SHROOM2: variants seen among roughly 807,000 people sequenced by gnomAD.
SHROOM2 encodes the protein protein Shroom2.
In SHROOM2, 33 loss-of-function variants were observed where a neutral mutation model predicts 75.9. The ratio of observed to expected loss-of-function variants is 0.43; its 90% CI spans 0.33 to 0.58. SHROOM2 has a LOEUF of 0.58. Among genes scored for constraint, SHROOM2 ranks in the 20% least tolerant of loss-of-function variants. The pLI, the probability that SHROOM2 is intolerant of heterozygous loss-of-function variation, is 0.04. For synonymous variants in SHROOM2, 655 were observed against 663.6 expected, an observed-to-expected ratio of 0.99 and a Z score of 0.20; for missense variants, 1,434 against 1,461.2, an observed-to-expected ratio of 0.98 and a Z score of 0.30.
chrX:9,894,955 T>G lies in SHROOM2; in HGVS notation c.1047T>G (p.Phe349Leu). The G allele has an allele frequency of 8.3e-7, 1 of 1,210,621 alleles. No individual in the cohort carries two copies. The change falls in exon 4 of 10, where the codon TTT becomes TTG. Residue 349 changes from phenylalanine to leucine, a missense_variant. This residue lies in a region of SHROOM2 where 1,340 missense variants were observed against 1,338.3 expected (regional missense o/e 1.00). Coordinates refer to ENST00000380913, the MANE Select transcript of SHROOM2 (RefSeq NM_001649.4). ...CAGAGGCGGCTGCGGCACAGCACTT[T>G]ACGGCCCTGGCCCAGGCTCAGCCTC... ...VFSEAAAAQH[F>L]TALAQAQPRG...
At chrX:9,810,796 C>T (rs983928909) in intron 1 of SHROOM2, among the ~76,000 whole-genome samples, 1 of 110,435 alleles carries the variant, frequency 9.1e-6, no homozygotes, top group Admixed American at 9.7e-5. Context: ...GAACTTTGCC[C>T]CAGCCCTGCA....
intron 2 of SHROOM2, among the ~76,000 whole-genome samples, chrX:9,879,552 C>T (rs1445248821): frequency 8.9e-6 from 1 of 112,747 alleles, no homozygotes; most frequent in East Asian, 2.8e-4. Context: ...TGAGCCACTG[C>T]ACCCGGCCAG....
intron 1 of SHROOM2, among the ~76,000 whole-genome samples, chrX:9,797,681 C>T (rs1474582443): frequency 1.8e-5 from 2 of 112,014 alleles, no homozygotes; most frequent in Non-Finnish European, 3.8e-5. Context: ...TCACCCCCAC[C>T]CCCCACTTGC....
At chrX:9,915,904 AT>A (rs2084486549) in intron 5 of SHROOM2, among the ~76,000 whole-genome samples, 2 of 111,435 alleles carry the variant, frequency 1.8e-5, no homozygotes, top group Non-Finnish European at 3.8e-5. Context: ...GAAGATTGAG[AT>A]TTTCTCTTAA....
intron 1 of SHROOM2, among the ~76,000 whole-genome samples, chrX:9,871,987 T>G (rs1357293703): frequency 8.9e-6 from 1 of 112,545 alleles, no homozygotes; most frequent in African/African-American, 3.2e-5. Context: ...CCTAGCAGTT[T>G]ATAAAGCTTT....
chrX:9,788,050 A>G (rs989759008), intron 1 of SHROOM2, among the ~76,000 whole-genome samples: 2 of 105,448 alleles, frequency 1.9e-5, no homozygotes, highest in Non-Finnish European at 3.8e-5. Context: ...CTGGGACCAC[A>G]GATGTGCGCC....
At chrX:9,870,345 A>G (rs904527327) in intron 1 of SHROOM2, among the ~76,000 whole-genome samples, 1 of 112,066 alleles carries the variant, frequency 8.9e-6, no homozygotes, top group Non-Finnish European at 1.9e-5. Flanking sequence ...TTTAGTCAAT[A>G]TTTTTATGCT....
intron 5 of SHROOM2, among the ~76,000 whole-genome samples, chrX:9,927,320 A>G (rs1219589366): frequency 1.1e-5 from 1 of 87,250 alleles, no homozygotes; most frequent in African/African-American, 4.3e-5. Context: ...GCTGCACTCC[A>G]GCCTGGGCAA....
chrX:9,904,855 T>A (rs1207851806), intron 5 of SHROOM2, among the ~76,000 whole-genome samples: 1 of 111,623 alleles, frequency 9.0e-6, no homozygotes, highest in African/African-American at 3.3e-5. Flanking sequence ...CAGAAGGCTG[T>A]ACAGATTGAT....
intron 8 of SHROOM2, among the ~76,000 whole-genome samples, chrX:9,941,862 T>C (rs2147064654): frequency 9.4e-6 from 1 of 106,725 alleles, no homozygotes; most frequent in East Asian, 2.9e-4. Context: ...TCCCAGCTAC[T>C]CGGGAGGCTG....
chrX:9,824,473 A>G (rs761227679), intron 1 of SHROOM2, among the ~76,000 whole-genome samples: 26 of 111,797 alleles, frequency 2.3e-4, no homozygotes, highest in Admixed American at 4.8e-4. Flanking sequence ...AAAATACAAT[A>G]AAAGATCATG....
In SHROOM2 at chrX:9,892,507, A is replaced by G. The variant is rs1569159935; in HGVS notation, c.449+1399A>G. Among the ~76,000 whole-genome samples, 3 of 111,696 alleles carry G rather than the reference A, an allele frequency of 2.7e-5. No individual in the cohort carries two copies. In the Admixed American group the frequency reaches 2.8e-4, roughly 11 times the overall value. On this transcript the variant is annotated intron_variant, in intron 3 of 9. Transcript: ENST00000380913. ...TTTTATTTTATTCCTGAAGTGACTTAAGGTGATGAGATCTCCATTAAGCCC... is the reference window on the plus strand; with the variant it reads ...TTTTATTTTATTCCTGAAGTGACTTGAGGTGATGAGATCTCCATTAAGCCC...
At chrX:9,801,287 A>G (rs186806152) in intron 1 of SHROOM2, among the ~76,000 whole-genome samples, 1 of 112,113 alleles carries the variant, frequency 8.9e-6, no homozygotes, top group Admixed American at 9.4e-5. Flanking sequence ...CCCATAACAT[A>G]TGGGAATTAT....
chrX:9,832,447 C>T (rs912247556), intron 1 of SHROOM2, among the ~76,000 whole-genome samples: 3 of 111,985 alleles, frequency 2.7e-5, no homozygotes, highest in African/African-American at 6.5e-5. Context: ...GATGCTGTCC[C>T]GTGGCCATCT....
chrX:9,805,680 G>A (rs1291069981), intron 1 of SHROOM2, among the ~76,000 whole-genome samples: 2 of 111,899 alleles, frequency 1.8e-5, no homozygotes, highest in African/African-American at 6.5e-5. Context: ...GTCTTCTATA[G>A]CGGAGGGAAG....
chrX:9,866,682 A>G (rs1459319907), intron 1 of SHROOM2, among the ~76,000 whole-genome samples: 2 of 111,707 alleles, frequency 1.8e-5, no homozygotes, highest in South Asian at 3.8e-4. Context: ...GTGTGTGACT[A>G]TAAGACGAGT....
At chrX:9,867,947 G>C (rs1448881317) in intron 1 of SHROOM2, among the ~76,000 whole-genome samples, 1 of 111,139 alleles carries the variant, frequency 9.0e-6, no homozygotes, top group Admixed American at 9.6e-5. Flanking sequence ...TTGCAGTGAA[G>C]TCAGAGCAAC....
chrX:9,792,072 AAT>A (rs2083659109), intron 1 of SHROOM2, among the ~76,000 whole-genome samples: 2 of 7,168 alleles, frequency 2.8e-4, no homozygotes, highest in African/African-American at 4.2e-4. Context: ...AATAGAATAG[AAT>A]AGAATAGAAT....
chrX:9,946,821 G>A lies in SHROOM2; in HGVS notation c.4735G>A (p.Val1579Met), dbSNP rs1349558731. ...EESLADYEHF[V>M]KMKSALIIEQ... The stretch of plus-strand genomic sequence containing the variant: ...GAGCCTCGCGGACTATGAGCACTTC[G>A]TGAAGATGAAGTCGGCCCTCATCAT... The change falls in exon 10 of 10, where the codon GTG becomes ATG. Residue 1579 changes from valine (V) to methionine (M), a missense_variant. By Grantham distance (21) the Val-to-Met change is conservative (BLOSUM62 1). Around this residue, in one of 3 missense-constraint regions of SHROOM2, gnomAD observed 80 missense variants for 88.4 expected, o/e 0.90. Transcript: ENST00000380913. 5 of 1,203,282 alleles carry A rather than the reference G, an allele frequency of 4.2e-6. No homozygotes were observed. Among genetic ancestry groups the A allele is most frequent in the Non-Finnish European group, 4.5e-6 (4 of 890,901 alleles).
Sources: allele counts gnomAD v4.1 joint callset (sites outside exome capture counted in the v4.1 genomes callset), GRCh38; gene constraint gnomAD v4.1.1; regional missense constraint gnomAD v4.1.1; transcripts MANE v1.5; gene names NCBI Gene and HGNC (gene_info 2026-07-23, HGNC 2026-07-21).